MYH3: variants seen among roughly 807,000 people sequenced by gnomAD.
The protein encoded by MYH3 is myosin-3.
A neutral mutation model predicts 238.0 loss-of-function variants in MYH3; 130 were observed. The observed-to-expected ratio is 0.55, with a 90% confidence interval of 0.47 to 0.63. The LOEUF (loss-of-function observed/expected upper bound fraction) is 0.63, where lower values mean the gene tolerates loss of function less well. Among genes scored for constraint, MYH3 ranks in the 30% least tolerant of loss-of-function variants. The pLI, the probability that MYH3 is intolerant of heterozygous loss-of-function variation, is 0.00. For missense variants in MYH3, 1,853 were observed against 2,374.9 expected, an observed-to-expected ratio of 0.78 and a Z score of 4.57; for synonymous variants, 880 against 924.1, an observed-to-expected ratio of 0.95 and a Z score of 0.86.
At chr17:10,641,227 C>G in intron 18 of MYH3, 25 bp from the exon 19 acceptor site, 2 of 1,611,578 alleles carry the variant, frequency 1.2e-6, no homozygotes, top group Non-Finnish European at 1.7e-6. Context: ...GAGATATCAG[C>G]CTTACACAGA....
chr17:10,638,263 G>T lies in MYH3; in HGVS notation c.3509C>A (p.Ala1170Glu), dbSNP rs373367650. Residue 1170 changes from alanine to glutamate, a missense_variant, in exon 27 of 41, where the codon GCG becomes GAG. Transcript: ENST00000583535. Reference sequence around the variant, plus strand: ...GTCCCTGCGCAGCTTCAGGAACTCCGCCTCCCGCTTCTTGTTGAGCTCTAT... The same window carrying T: ...GTCCCTGCGCAGCTTCAGGAACTCCTCCTCCCGCTTCTTGTTGAGCTCTAT... ...TQIELNKKRE[A>E]EFLKLRRDLE... 128 of 1,613,802 alleles carry T rather than the reference G, an allele frequency of 7.9e-5. No individual in the cohort carries two copies. In the South Asian group the frequency reaches 1.2e-3, roughly 15 times the overall value.
chr17:10,672,820 A>C, the MYH3 span: 1 of 152,118 alleles, frequency 6.6e-6, no homozygotes, highest in Admixed American at 6.5e-5. Context: ...GATTCTATTT[A>C]TTATAGATTC....
chr17:10,629,188 C>A (rs1446876959), intron 40 of MYH3, among the ~76,000 whole-genome samples: 1 of 152,032 alleles, frequency 6.6e-6, no homozygotes, highest in Non-Finnish European at 1.5e-5. Flanking sequence ...GCCGCCCCCA[C>A]CCCCGGAAAG....
chr17:10,673,031 G>A, the MYH3 span: 4 of 145,984 alleles, frequency 2.7e-5, no homozygotes, highest in Middle Eastern at 3.5e-3. Flanking sequence ...TTGAGATGGA[G>A]TCTTGCCCTG....
intron 32 of MYH3, 129 bp from the exon 33 acceptor site, chr17:10,633,844 A>C (rs1240748358): frequency 1.3e-6 from 2 of 1,499,554 alleles, no homozygotes; most frequent in African/African-American, 2.8e-5. Context: ...TAGAGATAAG[A>C]TATTGTACAG....
At chr17:10,655,110 C>G in intron 2 of MYH3, 38 bp from the exon 3 acceptor site, 2 of 1,550,506 alleles carry the variant, frequency 1.3e-6, no homozygotes, top group African/African-American at 2.7e-5. Context: ...CAGCAGCCCC[C>G]TTGCCAGGCA....
Position 10,637,827 on chromosome 17 carries a change from G to A in MYH3, c.3838C>T (p.Arg1280Cys), listed in dbSNP as rs745487226. The part of the protein sequence containing the change: ...SLSELTTQKS[R>C]LQTEAGELSR... ...GGCTTACCAGCCTCGGTCTGCAAAC[G>A]AGACTTCTGTGTGGTCAGCTCGCTC... The change falls in exon 28 of 41, where the codon CGT (arginine) becomes TGT (cysteine). Residue 1280 changes from arginine (R) to cysteine (C), a missense_variant. Arg to Cys is a radical substitution (Grantham distance 180). Transcript: ENST00000583535. 24 of 1,614,150 alleles carry A rather than the reference G, an allele frequency of 1.5e-5. No individual in the cohort carries two copies. The highest frequency in any genetic ancestry group is 1.7e-4 in the Middle Eastern group (1 of 6,040).
intron 10 of MYH3, among the ~76,000 whole-genome samples, chr17:10,646,420 C>T (rs1412631530): frequency 6.6e-6 from 1 of 152,118 alleles, no homozygotes; most frequent in Non-Finnish European, 1.5e-5. Context: ...AAAGCAGCAG[C>T]CTGTTTCCAA....
At chr17:10,647,464 C>G in intron 8 of MYH3, 38 bp from the exon 9 acceptor site, 1 of 1,601,318 alleles carries the variant, frequency 6.2e-7, no homozygotes, top group Non-Finnish European at 8.6e-7. Context: ...CCAGATTCTA[C>G]CATGGCCCAA....
chr17:10,642,478 C>T lies in MYH3; in HGVS notation c.1827G>A (p.Leu609=). The T allele has an allele frequency of 6.2e-7, 1 of 1,614,204 alleles. No individual in the cohort carries two copies. The highest frequency in any genetic ancestry group is 8.5e-7 in the Non-Finnish European group (1 of 1,180,026). The change falls in exon 16 of 41, where the codon CTG becomes CTA. Residue 609 remains leucine (L), a synonymous_variant. Transcript: ENST00000583535. The surrounding 1 kb of genome is among the most constrained non-coding windows in gnomAD (Gnocchi z 5.4). The part of the protein sequence containing the change: ...KDPLNETVVG[L]YQKSSNRLLA... ...GGAGCCTGTTGGAAGACTTCTGGTA[C>T]AGCCCAACCACAGTCTCGTTCAGAG...
chr17:10,670,028 GTGTA>G, the MYH3 span, among the ~76,000 whole-genome samples: 1 of 152,216 alleles, frequency 6.6e-6, no homozygotes. This position sits in a 1 kb window ranked among gnomAD's most constrained non-coding sequence, Gnocchi z 7.0. Context: ...ATCTCAAAGC[GTGTA>G]TGTATGTTGA....
Position 10,633,892 on chromosome 17 carries a change from T to C in MYH3, c.4522+125A>G. 7 of 1,468,778 alleles carry C rather than the reference T, an allele frequency of 4.8e-6. No homozygotes were observed. The South Asian group carries it at 8.0e-5, about 17-fold the overall frequency. The allele number at this position is 1,468,778 out of a possible 1,614,324, so 91.0% of individuals were successfully genotyped here. On this transcript the variant is annotated intron_variant, in intron 32 of 40. Transcript: ENST00000583535. Reference sequence around the variant, plus strand: ...ACGTAACCCGTCAGATGGTGAACACTTTCTGCATGTGCATTAACACACATG... The same window carrying C: ...ACGTAACCCGTCAGATGGTGAACACCTTCTGCATGTGCATTAACACACATG...
chr17:10,632,031 A>C lies in MYH3; in HGVS notation c.4957-15T>G. The stretch of plus-strand genomic sequence containing the variant: ...AGCTGCGTATCCTAGCCAGAGAAAA[A>C]CGAACATTCTATTTGAAGTTGAGGC... On this transcript the variant is annotated splice_polypyrimidine_tract_variant and intron_variant, in intron 34 of 40. Coordinates refer to ENST00000583535, the MANE Select transcript of MYH3 (RefSeq NM_002470.4). 6.2e-7 allele frequency: 1 copy of C among 1,612,430 alleles called. No homozygotes were observed. The highest frequency in any genetic ancestry group is 1.3e-5 in the African/African-American group (1 of 75,002).
rs1238136671 is a variant in MYH3, at chr17:10,652,562, G to A, written c.206C>T (p.Thr69Ile). The A allele has an allele frequency of 6.9e-6, 11 of 1,596,738 alleles. No homozygotes were observed. Among genetic ancestry groups the A allele is most frequent in the South Asian group, 3.3e-5 (3 of 90,880 alleles). The change falls in exon 4 of 41, where the codon ACC becomes ATC. Residue 69 changes from threonine (T) to isoleucine (I), a missense_variant and splice_region_variant. Coordinates refer to ENST00000583535, the MANE Select transcript of MYH3 (RefSeq NM_002470.4). The part of the protein sequence containing the change: ...KVTVETEDNR[T>I]LVVKPEDVYA... ...CACATCCTCTGGTTTGACCACCAGG[G>A]TCTAAAAAGGAAGAGGCACAGTGCT...
intron 6 of MYH3, among the ~76,000 whole-genome samples, chr17:10,650,033 G>A (rs1405220478): frequency 2.0e-5 from 3 of 151,926 alleles, no homozygotes; most frequent in South Asian, 2.1e-4. Context: ...GTGCAGTGGC[G>A]CGATCTCGGC....
At chr17:10,655,215 T>C in intron 2 of MYH3, 143 bp from the exon 3 acceptor site, 2 of 715,028 alleles carry the variant, frequency 2.8e-6, no homozygotes, top group Non-Finnish European at 2.5e-6. Flanking sequence ...GCTGTCCTCA[T>C]GCCTTGAGAA....
the MYH3 span, chr17:10,677,516 A>G: frequency 6.6e-6 from 1 of 152,352 alleles, no homozygotes; most frequent in East Asian, 1.9e-4. Context: ...TCTTTTAAAC[A>G]TAAATTTAAG....
At chr17:10,634,769 T>G in intron 31 of MYH3, 71 bp downstream of exon 31, 1 of 1,594,638 alleles carries the variant, frequency 6.3e-7, no homozygotes. Context: ...CGGGATGCAT[T>G]CTCCTCCTTC....
At chr17:10,632,449 GT>G (rs1215464040) in intron 34 of MYH3, 26 bp downstream of exon 34, 2 of 1,607,930 alleles carry the variant, frequency 1.2e-6, no homozygotes, top group African/African-American at 1.3e-5. Context: ...GAGGAGAGAG[GT>G]TTTTCCCCGA....
Sources: allele counts gnomAD v4.1 joint callset (sites outside exome capture counted in the v4.1 genomes callset), GRCh38; gene constraint gnomAD v4.1.1; non-coding constraint Gnocchi (gnomAD v3.1); transcripts MANE v1.5; gene names NCBI Gene and HGNC (gene_info 2026-07-23, HGNC 2026-07-21).